The following FSHR variants were observed in gnomAD, a reference collection of about 807,000 sequenced individuals.
FSHR encodes follicle stimulating hormone receptor.
A neutral mutation model predicts 52.1 loss-of-function variants in FSHR; 46 were observed. That is an observed-to-expected ratio of 0.88 (90% CI 0.70 to 1.13). The LOEUF is 1.13. Ranked by LOEUF, FSHR falls within the 50% of genes most tolerant of loss-of-function variation. FSHR has a pLI of 0.00. For synonymous variants in FSHR, 399 were observed against 309.6 expected (o/e 1.29, Z -3.03); for missense variants, 964 against 834.6 (o/e 1.16, Z -1.91).
At chr2:48,985,669 A>C (rs1312335506) in intron 6 of FSHR, among the ~76,000 whole-genome samples, 1 of 146,842 alleles carries the variant, frequency 6.8e-6, no homozygotes, top group East Asian at 2.0e-4. Flanking sequence ...ATTTTTTTCA[A>C]CTTTCAGTTT....
At chr2:48,968,152 C>T (rs191067527) in intron 9 of FSHR, among the ~76,000 whole-genome samples, 21 of 152,284 alleles carry the variant, frequency 1.4e-4, no homozygotes, top group South Asian at 8.3e-4. Context: ...TCCTTGAACC[C>T]GGCTTTCTTT....
At chr2:49,068,172 C>A (rs771281685) in intron 2 of FSHR, 47 bp downstream of exon 2, 2 of 1,474,358 alleles carry the variant, frequency 1.4e-6, no homozygotes, top group South Asian at 2.3e-5. Flanking sequence ...AGGTTGCTCC[C>A]TATAGCCCCC....
chr2:49,021,886 T>TATATATATATATATATATAAAG (rs1273265515), intron 2 of FSHR, among the ~76,000 whole-genome samples: 6 of 25,124 alleles, frequency 2.4e-4, no homozygotes, highest in African/African-American at 8.8e-4. Flanking sequence ...TATATATATA[T>TATATATATATATATATATAAAG]AGAGAGAGAG....
intron 2 of FSHR, among the ~76,000 whole-genome samples, chr2:49,045,048 A>G (rs1668605409): frequency 6.6e-6 from 1 of 152,212 alleles, no homozygotes; most frequent in South Asian, 2.1e-4. Context: ...CCATTTTAAC[A>G]ATTAAATGTG....
Position 49,064,141 on chromosome 2 carries a change from T to C in FSHR, c.224+4078A>G, listed in dbSNP as rs1224234779. Among the ~76,000 whole-genome samples the C allele has an allele frequency of 3.3e-5, 5 of 151,900 alleles. No homozygotes were observed. The South Asian group carries it at 1.0e-3, about 32-fold the overall frequency. On this transcript the variant is annotated intron_variant, in intron 2 of 9. Coordinates refer to ENST00000406846, the MANE Select transcript of FSHR (RefSeq NM_000145.4). ...AAGATGACATAATCAGTTATGAATT[T>C]AGAAAATATTACTCTATGTTGAAAA...
chr2:48,988,912 T>C, intron 6 of FSHR, 65 bp downstream of exon 6: 1 of 1,364,836 alleles, frequency 7.3e-7, no homozygotes, highest in South Asian at 1.2e-5. Flanking sequence ...CATCCAATTA[T>C]GAGAAAGAGA....
intron 8 of FSHR, among the ~76,000 whole-genome samples, chr2:48,971,859 G>T (rs1674756412): frequency 6.6e-6 from 1 of 152,130 alleles, no homozygotes; most frequent in Non-Finnish European, 1.5e-5. Context: ...CTCGCTGAAA[G>T]TTTCTTCTTA....
intron 1 of FSHR, among the ~76,000 whole-genome samples, chr2:49,098,060 G>T (rs957226111): frequency 6.6e-6 from 1 of 151,876 alleles, no homozygotes; most frequent in Non-Finnish European, 1.5e-5. Context: ...TGGCTAGTAG[G>T]GTTACGAAAT....
intron 2 of FSHR, among the ~76,000 whole-genome samples, chr2:49,050,547 A>T (rs534988916): frequency 6.6e-6 from 1 of 152,326 alleles, no homozygotes; most frequent in East Asian, 1.9e-4. Flanking sequence ...GTAGATTCCA[A>T]CTAAAAGAAG....
intron 2 of FSHR, among the ~76,000 whole-genome samples, chr2:49,064,332 T>G (rs905660095): frequency 3.3e-5 from 2 of 61,438 alleles, no homozygotes; most frequent in Non-Finnish European, 6.1e-5. Flanking sequence ...TGAGAGTGGT[T>G]TAGGGCCCAC....
intron 2 of FSHR, among the ~76,000 whole-genome samples, chr2:49,062,375 A>G (rs2104328969): frequency 6.6e-6 from 1 of 152,254 alleles, no homozygotes; most frequent in East Asian, 1.9e-4. Flanking sequence ...CAGAAAAGGA[A>G]ACTGGATATC....
chr2:49,067,958 G>C (rs1054606058), intron 2 of FSHR, among the ~76,000 whole-genome samples: 5 of 151,506 alleles, frequency 3.3e-5, no homozygotes, highest in Admixed American at 3.3e-4. Context: ...CCATTCACCG[G>C]TACTCTGGGA....
intron 1 of FSHR, among the ~76,000 whole-genome samples, chr2:49,108,337 C>T (rs1241415545): frequency 6.6e-6 from 1 of 152,132 alleles, no homozygotes; most frequent in African/African-American, 2.4e-5. Flanking sequence ...GAGCTAATTT[C>T]TTACAATACA....
intron 4 of FSHR, among the ~76,000 whole-genome samples, chr2:49,012,393 C>G (rs542153133): frequency 1.6e-4 from 24 of 152,192 alleles, no homozygotes; most frequent in Admixed American, 1.5e-3. Context: ...AAGTTAAGAA[C>G]ACTTCTTTAT....
intron 1 of FSHR, among the ~76,000 whole-genome samples, chr2:49,077,253 G>C (rs1401029611): frequency 1.3e-5 from 2 of 152,316 alleles, no homozygotes; most frequent in East Asian, 3.9e-4. Context: ...CTTGACTTTT[G>C]TGTATCTTGA....
intron 4 of FSHR, among the ~76,000 whole-genome samples, chr2:48,993,617 T>C (rs1675883909): frequency 6.6e-6 from 1 of 152,228 alleles, no homozygotes; most frequent in Non-Finnish European, 1.5e-5. Flanking sequence ...CAGATTGTTT[T>C]ACTCCTTTGC....
At chr2:49,010,533 C>G (rs1453591116) in intron 4 of FSHR, among the ~76,000 whole-genome samples, 1 of 151,884 alleles carries the variant, frequency 6.6e-6, no homozygotes, top group Non-Finnish European at 1.5e-5. Context: ...CAGAATGATG[C>G]TGGCCTCATA....
chr2:48,967,788 G>C (rs967554852), intron 9 of FSHR, among the ~76,000 whole-genome samples: 1 of 152,206 alleles, frequency 6.6e-6, no homozygotes, highest in African/African-American at 2.4e-5. Flanking sequence ...GTCAATGTAT[G>C]TTAAAGGTTG....
rs1670246204 is a variant in FSHR, at chr2:49,083,234, C to G, written c.153-14944G>C. Among the ~76,000 whole-genome samples the G allele has an allele frequency of 2.7e-5, 4 of 148,724 alleles. No individual in the cohort carries two copies. In the South Asian group the frequency reaches 8.8e-4, roughly 33 times the overall value. On this transcript the variant is annotated intron_variant, in intron 1 of 9. Coordinates refer to ENST00000406846, the MANE Select transcript of FSHR (RefSeq NM_000145.4). Reference sequence around the variant, plus strand: ...GAATTTTCAACCCAGAATTTCATATCCAGCCAAACTAAGCTTCATAAGTGA... The same window carrying G: ...GAATTTTCAACCCAGAATTTCATATGCAGCCAAACTAAGCTTCATAAGTGA...
Sources: allele counts gnomAD v4.1 joint callset (sites outside exome capture counted in the v4.1 genomes callset), GRCh38; gene constraint gnomAD v4.1.1; transcripts MANE v1.5; gene names NCBI Gene and HGNC (gene_info 2026-07-23, HGNC 2026-07-21).